Variants in CTDSPL observed in about 807,000 individuals in gnomAD.
CTDSPL encodes the protein CTD small phosphatase like.
In CTDSPL, 8 loss-of-function variants were observed where a neutral mutation model predicts 30.5. The ratio of observed to expected loss-of-function variants is 0.26; its 90% CI spans 0.15 to 0.47. CTDSPL has a LOEUF of 0.47. Among genes scored for constraint, CTDSPL ranks in the 20% least tolerant of loss-of-function variants. The pLI, the probability that CTDSPL is intolerant of heterozygous loss-of-function variation, is 0.99. For missense variants in CTDSPL, 248 were observed against 366.1 expected (o/e 0.68, Z 2.63); for synonymous variants, 110 against 137.9 (o/e 0.80, Z 1.42).
intron 2 of CTDSPL, among the ~76,000 whole-genome samples, chr3:37,949,042 G>A (rs950428359): frequency 3.3e-5 from 5 of 150,612 alleles, no homozygotes; most frequent in East Asian, 2.0e-4. Flanking sequence ...GGATGGTCTC[G>A]ATCTCCTGAC....
At chr3:37,879,995 T>C (rs953653819) in intron 1 of CTDSPL, among the ~76,000 whole-genome samples, 1 of 151,544 alleles carries the variant, frequency 6.6e-6, no homozygotes, top group Non-Finnish European at 1.5e-5. Flanking sequence ...TTGGGATGCA[T>C]GTGTGAATAA....
At chr3:37,900,941 G>A (rs768881925) in intron 1 of CTDSPL, among the ~76,000 whole-genome samples, 13 of 152,042 alleles carry the variant, frequency 8.6e-5, no homozygotes, top group Non-Finnish European at 1.5e-4. Flanking sequence ...AGGATTACAG[G>A]CACATATCAC....
At chr3:37,889,849 A>G (rs1698304284) in intron 1 of CTDSPL, among the ~76,000 whole-genome samples, 1 of 152,244 alleles carries the variant, frequency 6.6e-6, no homozygotes, top group African/African-American at 2.4e-5. Flanking sequence ...TAAAGTCAGT[A>G]AAATTTGGAG....
chr3:37,972,482 C>T (rs572559670), intron 6 of CTDSPL, among the ~76,000 whole-genome samples: 26 of 152,160 alleles, frequency 1.7e-4, no homozygotes, highest in Admixed American at 1.3e-3. Flanking sequence ...ACAGTGACTC[C>T]GTCTCAAAAA....
rs1699523030 is a variant in CTDSPL at position 37,983,860 on chromosome 3, G to C, written c.*2993G>C. ...ACCTGCCACAGTTGATGGTGAGGAA[G>C]CTCCTTTGACGTGGTGCAATTTTGA... On this transcript the variant is annotated 3_prime_UTR_variant, in exon 8 of 8. Coordinates refer to ENST00000273179, the MANE Select transcript of CTDSPL (RefSeq NM_001008392.2). The C allele has an allele frequency of 1.2e-5, 2 of 170,866 alleles. No homozygotes were observed. The highest frequency in any genetic ancestry group is 1.1e-4 in the Admixed American group (2 of 17,956). 10.6% of individuals were successfully genotyped at this position (170,866 alleles called of 1,614,324 possible).
rs995850567 is a variant in CTDSPL, at chr3:37,873,404, G to A, written c.79+11126G>A. On this transcript the variant is annotated intron_variant, in intron 1 of 7. Transcript: ENST00000273179. Reference sequence around the variant, plus strand: ...CTGCAACTGTCGGTTTTCTCCCATAGCCAGCTTCTTTACCTCCAAGTCTAG... The same window carrying A: ...CTGCAACTGTCGGTTTTCTCCCATAACCAGCTTCTTTACCTCCAAGTCTAG... Among the ~76,000 whole-genome samples the A allele has an allele frequency of 2.6e-5, 4 of 152,130 alleles. No individual in the cohort carries two copies. The South Asian group carries it at 8.3e-4, about 32-fold the overall frequency.
intron 1 of CTDSPL, among the ~76,000 whole-genome samples, chr3:37,930,254 A>T (rs1042106770): frequency 5.3e-5 from 8 of 151,574 alleles, no homozygotes; most frequent in African/African-American, 1.9e-4. Flanking sequence ...TTAAAATTTT[A>T]ATTTTTATTT....
At position 37,972,645 on chromosome 3, in the gene CTDSPL, C is replaced by A. The variant is rs1254571652; in HGVS notation, c.519+1146C>A. Among the ~76,000 whole-genome samples the A allele has an allele frequency of 2.0e-5, 3 of 152,310 alleles. No homozygotes were observed. The East Asian group carries it at 5.8e-4, about 29-fold the overall frequency. On this transcript the variant is annotated intron_variant, in intron 6 of 7. Coordinates refer to ENST00000273179, the MANE Select transcript of CTDSPL (RefSeq NM_001008392.2). ...CACTGTTTAAGGAAACTAGCAGGTT[C>A]CCAAGCCTCCCAGTATGGTTTAGTC...
intron 1 of CTDSPL, among the ~76,000 whole-genome samples, chr3:37,936,838 C>A (rs947462208): frequency 2.6e-5 from 4 of 152,128 alleles, no homozygotes; most frequent in African/African-American, 4.8e-5. Context: ...GATGTCCCCA[C>A]TGATGCTTGG....
chr3:37,947,474 C>T (rs1207525251), intron 2 of CTDSPL, among the ~76,000 whole-genome samples: 5 of 152,006 alleles, frequency 3.3e-5, no homozygotes, highest in Non-Finnish European at 5.9e-5. Flanking sequence ...GCAGGAGAAT[C>T]GCTTGAACCT....
chr3:37,912,475 T>TG (rs1467751961), intron 1 of CTDSPL, among the ~76,000 whole-genome samples: 3 of 152,298 alleles, frequency 2.0e-5, no homozygotes, highest in East Asian at 3.9e-4. Context: ...AGGCACAAGA[T>TG]GACCACACGA....
chr3:37,866,877 GACTA>G (rs1698016300), intron 1 of CTDSPL, among the ~76,000 whole-genome samples: 1 of 152,214 alleles, frequency 6.6e-6, no homozygotes, highest in Admixed American at 6.5e-5. Flanking sequence ...AGTAGATTCA[GACTA>G]ACTTTTTTAT....
At chr3:37,913,589 T>G (rs918788884) in intron 1 of CTDSPL, among the ~76,000 whole-genome samples, 1 of 152,206 alleles carries the variant, frequency 6.6e-6, no homozygotes, top group Non-Finnish European at 1.5e-5. Context: ...TGGGGAGACC[T>G]GCAGTCTGGA....
At chr3:37,924,560 G>A (rs1362514694) in intron 1 of CTDSPL, among the ~76,000 whole-genome samples, 2 of 152,166 alleles carry the variant, frequency 1.3e-5, no homozygotes, top group Non-Finnish European at 2.9e-5. Context: ...CCTCCACAAC[G>A]AGAAAATAAC....
rs868785872 is a variant in CTDSPL, at chr3:37,957,127, T to G, written c.251T>G (p.Val84Gly). ...TTTCCTCAGGGTGACCAGAGGCAGGTCATTCCCATACCAAGTGTATGTATA... is the reference window on the plus strand; with the variant it reads ...TTTCCTCAGGGTGACCAGAGGCAGGGCATTCCCATACCAAGTGTATGTATA... ...GGLQKGDQRQ[V>G]IPIPSPPAKY... The change falls in exon 3 of 8, where the codon GTC (valine) becomes GGC (glycine). Residue 84 changes from valine (V) to glycine (G), a missense_variant. Val to Gly is a moderately radical substitution (Grantham distance 109). Coordinates refer to ENST00000273179, the MANE Select transcript of CTDSPL (RefSeq NM_001008392.2). 1.9e-6 allele frequency: 3 copies of G among 1,600,064 alleles called. No individual in the cohort carries two copies. The highest frequency in any genetic ancestry group is 2.6e-6 in the Non-Finnish European group (3 of 1,171,522).
At position 37,981,920 on chromosome 3, in the gene CTDSPL, C is replaced by T. The variant is rs1210594674; in HGVS notation, c.*1053C>T. On this transcript the variant is annotated 3_prime_UTR_variant, in exon 8 of 8. Transcript: ENST00000273179. Reference sequence around the variant, plus strand: ...GCGGCTGTTACACTGTTCTTTGCCACTGTGCCTATGCTCAGAATATGCTCA... The same window carrying T: ...GCGGCTGTTACACTGTTCTTTGCCATTGTGCCTATGCTCAGAATATGCTCA... 4.4e-6 allele frequency: 2 copies of T among 456,966 alleles called. No homozygotes were observed. The highest frequency in any genetic ancestry group is 1.5e-5 in the South Asian group (1 of 64,562). The allele number at this position is 456,966 out of a possible 1,614,324, so 28.3% of individuals were successfully genotyped here.
intron 2 of CTDSPL, among the ~76,000 whole-genome samples, chr3:37,954,074 A>T (rs1699140297): frequency 6.6e-6 from 1 of 152,220 alleles, no homozygotes; most frequent in Non-Finnish European, 1.5e-5. Context: ...AAGAACCGAG[A>T]CATTTTTAGA....
intron 1 of CTDSPL, among the ~76,000 whole-genome samples, chr3:37,889,474 C>T (rs1252809858): frequency 6.6e-6 from 1 of 151,830 alleles, no homozygotes; most frequent in Non-Finnish European, 1.5e-5. Flanking sequence ...GATGAAGAGA[C>T]AGAAAATAGG....
At chr3:37,911,023 C>G (rs1698576893) in intron 1 of CTDSPL, among the ~76,000 whole-genome samples, 2 of 152,234 alleles carry the variant, frequency 1.3e-5, no homozygotes. Flanking sequence ...GGATGTTGTC[C>G]TGTATTTCAG....
Sources: gnomAD v4.1 joint callset for allele counts (sites outside exome capture counted in the v4.1 genomes callset) on GRCh38, gnomAD v4.1.1 for gene constraint, MANE v1.5 for transcripts, NCBI Gene and HGNC (gene_info 2026-07-23, HGNC 2026-07-21) for gene names.